The following TRIQK variants were observed in gnomAD, a reference collection of about 807,000 sequenced individuals.
TRIQK encodes the protein triple QxxK/R motif containing, also known as triple QxxK/R motif-containing protein.
In TRIQK, 10 loss-of-function variants were observed where a neutral mutation model predicts 10.8. The ratio of observed to expected loss-of-function variants is 0.92; its 90% confidence interval spans 0.57 to 1.57. The LOEUF (loss-of-function observed/expected upper bound fraction) is 1.57. Ranked by LOEUF, TRIQK falls within the 40% of genes most tolerant of loss-of-function variation. The pLI is 0.00. For missense variants in TRIQK, 107 were observed against 97.7 expected (o/e 1.09, Z -0.40); for synonymous variants, 33 against 33.7 (o/e 0.98, Z 0.07).
At chr8:92,975,937 T>G (rs1812927306) in intron 1 of TRIQK, among the ~76,000 whole-genome samples, 1 of 152,012 alleles carries the variant, frequency 6.6e-6, no homozygotes, top group Non-Finnish European at 1.5e-5. Context: ...TTACTTAGAA[T>G]ATGTTATTTA....
chr8:92,978,599 T>C (rs1487151423), intron 1 of TRIQK, among the ~76,000 whole-genome samples: 2 of 152,186 alleles, frequency 1.3e-5, no homozygotes, highest in African/African-American at 4.8e-5. Context: ...TTAAACTTAA[T>C]TGAAGTGTAT....
chr8:92,906,958 T>G (rs757780857), intron 3 of TRIQK, among the ~76,000 whole-genome samples: 25 of 152,048 alleles, frequency 1.6e-4, no homozygotes, highest in Non-Finnish European at 3.5e-4. Flanking sequence ...GGATATATGT[T>G]TGGGTAGCTG....
intron 2 of TRIQK, among the ~76,000 whole-genome samples, chr8:92,947,028 G>A (rs1811575591): frequency 6.6e-6 from 1 of 151,788 alleles, no homozygotes; most frequent in Admixed American, 6.5e-5. Flanking sequence ...GCCTCCCAAA[G>A]TGCTGGGATT....
At chr8:92,930,546 C>T (rs1810667843) in intron 2 of TRIQK, among the ~76,000 whole-genome samples, 1 of 151,778 alleles carries the variant, frequency 6.6e-6, no homozygotes, top group African/African-American at 2.4e-5. Flanking sequence ...TGATGTAAAG[C>T]CAGTAAGGGA....
At chr8:92,947,516 G>A (rs945749011) in intron 2 of TRIQK, among the ~76,000 whole-genome samples, 3 of 150,298 alleles carry the variant, frequency 2.0e-5, no homozygotes, top group African/African-American at 4.9e-5. Flanking sequence ...CGCAGGAGGC[G>A]GAGGTTGCAG....
intron 3 of TRIQK, among the ~76,000 whole-genome samples, chr8:92,912,867 T>C (rs1031736473): frequency 6.6e-6 from 1 of 151,840 alleles, no homozygotes; most frequent in African/African-American, 2.4e-5. Flanking sequence ...CAGTACTAGA[T>C]GACTTCAATT....
At chr8:92,944,134 T>G (rs1811402592) in intron 2 of TRIQK, among the ~76,000 whole-genome samples, 1 of 151,668 alleles carries the variant, frequency 6.6e-6, no homozygotes, top group Admixed American at 6.6e-5. Context: ...ATTAGGAAAA[T>G]GCAAATCAAA....
At chr8:93,013,301 A>G (rs1813354728) in intron 1 of TRIQK, among the ~76,000 whole-genome samples, 1 of 152,216 alleles carries the variant, frequency 6.6e-6, no homozygotes, top group African/African-American at 2.4e-5. Flanking sequence ...ACTTAAAAAA[A>G]TAATAATTTT....
chr8:92,968,344 G>A (rs577783911), upstream of TRIQK, among the ~76,000 whole-genome samples: 8 of 152,134 alleles, frequency 5.3e-5, no homozygotes, highest in East Asian at 1.4e-3. Context: ...GTCAAATGGC[G>A]TTTCTGGTTC....
At chr8:92,947,587 GAAAAAAAAAAAAAA>G (rs35808197) in intron 2 of TRIQK, among the ~76,000 whole-genome samples, 1 of 61,440 alleles carries the variant, frequency 1.6e-5, no homozygotes, top group Non-Finnish European at 2.9e-5. Context: ...TCCGCCTCAG[GAAAAAAAAAAAAAA>G]AAAAAAAAAA....
At chr8:93,006,111 G>A (rs1041452620) in intron 1 of TRIQK, among the ~76,000 whole-genome samples, 8 of 126,854 alleles carry the variant, frequency 6.3e-5, no homozygotes, top group African/African-American at 8.9e-5. Flanking sequence ...CCACGGAGGC[G>A]AAAGGGATCT....
At chr8:92,906,433 C>T (rs1037687822) in intron 3 of TRIQK, among the ~76,000 whole-genome samples, 3 of 152,044 alleles carry the variant, frequency 2.0e-5, no homozygotes, top group Admixed American at 1.3e-4. Context: ...AAATTTAATA[C>T]AATTTTTAAA....
chr8:93,007,135 C>T (rs1363356162), intron 1 of TRIQK, among the ~76,000 whole-genome samples: 1 of 152,004 alleles, frequency 6.6e-6, no homozygotes, highest in Non-Finnish European at 1.5e-5. Flanking sequence ...TGGTAGAGAT[C>T]CCAGAGGAAG....
chr8:92,942,850 A>G (rs557884532), intron 2 of TRIQK, among the ~76,000 whole-genome samples: 1 of 152,184 alleles, frequency 6.6e-6, no homozygotes, highest in Admixed American at 6.5e-5. Context: ...GCCTGCCACC[A>G]CGCCTGGCTA....
intron 1 of TRIQK, among the ~76,000 whole-genome samples, chr8:92,992,595 G>A (rs1354971151): frequency 6.6e-6 from 1 of 152,198 alleles, no homozygotes; most frequent in Non-Finnish European, 1.5e-5. Context: ...CACAAGGAGA[G>A]GTGTAGGAAT....
intron 2 of TRIQK, among the ~76,000 whole-genome samples, chr8:92,925,134 C>T (rs536496473): frequency 5.9e-5 from 9 of 152,116 alleles, no homozygotes; most frequent in Admixed American, 4.6e-4. Context: ...AGCCAAACTA[C>T]GGAACTAAAA....
chr8:92,885,272 A>C lies in TRIQK; in HGVS notation c.*1350T>G, dbSNP rs1816416907. Reference sequence around the variant, plus strand: ...AAAAGTACCAGAGAATATCTTTTAGAAACAGTGCTTATAAAGCCCCATATA... The same window carrying C: ...AAAAGTACCAGAGAATATCTTTTAGCAACAGTGCTTATAAAGCCCCATATA... On this transcript the variant is annotated 3_prime_UTR_variant, in exon 5 of 5. Transcript: ENST00000521988. The C allele has an allele frequency of 3.2e-6, 1 of 313,526 alleles. No individual in the cohort carries two copies. 19.4% of individuals were successfully genotyped at this position (313,526 alleles called of 1,614,324 possible). A position where few individuals can be genotyped will look rare whatever the true frequency, so the allele number is the denominator to read the frequency against.
chr8:92,995,090 T>C (rs1024502879), intron 1 of TRIQK, among the ~76,000 whole-genome samples: 1 of 152,014 alleles, frequency 6.6e-6, no homozygotes, highest in African/African-American at 2.4e-5. Context: ...TCCTTATTTG[T>C]TAGGGGAGAG....
intron 2 of TRIQK, among the ~76,000 whole-genome samples, chr8:92,922,843 A>T (rs929666271): frequency 6.6e-6 from 1 of 151,772 alleles, no homozygotes; most frequent in Non-Finnish European, 1.5e-5. Flanking sequence ...CTGGTTTAAA[A>T]TTTTTGTTCT....
Sources: gnomAD v4.1 joint callset for allele counts (sites outside exome capture counted in the v4.1 genomes callset) on GRCh38, gnomAD v4.1.1 for gene constraint, MANE v1.5 for transcripts, NCBI Gene and HGNC (gene_info 2026-07-23, HGNC 2026-07-21) for gene names.